Variants in DACH1 observed in about 807,000 individuals in gnomAD.
DACH1 encodes dachshund family transcription factor 1.
Under a neutral mutation model 54.2 loss-of-function variants are expected in DACH1, and 12 were observed. That is an observed-to-expected ratio of 0.22 (90% confidence interval 0.14 to 0.36). DACH1 has a LOEUF of 0.36. Ranked by LOEUF, DACH1 falls within the 10% of genes least tolerant of loss-of-function variation. The pLI is 1.00. For missense variants in DACH1, 805 were observed against 929.8 expected (o/e 0.87, Z 1.75); for synonymous variants, 386 against 366.2 (o/e 1.05, Z -0.62).
chr13:71,768,146 TTCAA>T (rs1185065123), intron 1 of DACH1, among the ~76,000 whole-genome samples: 1 of 151,976 alleles, frequency 6.6e-6, no homozygotes, highest in Non-Finnish European at 1.5e-5. Flanking sequence ...GTCCCAGCGA[TTCAA>T]TCACATTACT....
At chr13:71,752,808 A>C (rs1313736890) in intron 1 of DACH1, among the ~76,000 whole-genome samples, 4 of 152,170 alleles carry the variant, frequency 2.6e-5, no homozygotes, top group Non-Finnish European at 5.9e-5. Flanking sequence ...ACATTAACTG[A>C]TATTTTAGTG....
At chr13:71,459,173 T>C (rs183290841) in intron 10 of DACH1, among the ~76,000 whole-genome samples, 2 of 152,088 alleles carry the variant, frequency 1.3e-5, no homozygotes, top group Non-Finnish European at 2.9e-5. Flanking sequence ...AGTACTTTAA[T>C]GCAGGATCTT....
intron 1 of DACH1, among the ~76,000 whole-genome samples, chr13:71,813,256 T>C (rs1389162603): frequency 6.6e-6 from 1 of 152,222 alleles, no homozygotes; most frequent in East Asian, 1.9e-4. Context: ...TCAGACATTT[T>C]ACCCATAATC....
intron 1 of DACH1, among the ~76,000 whole-genome samples, chr13:71,823,878 C>T (rs1370974298): frequency 6.6e-6 from 1 of 151,910 alleles, no homozygotes; most frequent in East Asian, 1.9e-4. Context: ...TATTGAAATA[C>T]ACTTCCCCCA....
At chr13:71,784,553 C>T (rs2138075889) in intron 1 of DACH1, among the ~76,000 whole-genome samples, 1 of 152,180 alleles carries the variant, frequency 6.6e-6, no homozygotes, top group East Asian at 1.9e-4. Context: ...CAAACTGGGG[C>T]TTATCTATCA....
At chr13:71,628,005 A>C (rs772293024) in intron 3 of DACH1, among the ~76,000 whole-genome samples, 2 of 152,118 alleles carry the variant, frequency 1.3e-5, no homozygotes, top group Non-Finnish European at 2.9e-5. Context: ...ATAAGCAGAC[A>C]TTGTAATAAA....
intron 1 of DACH1, among the ~76,000 whole-genome samples, chr13:71,698,358 T>C (rs1460892456): frequency 6.6e-6 from 1 of 152,088 alleles, no homozygotes; most frequent in Non-Finnish European, 1.5e-5. Flanking sequence ...ATATAAAATA[T>C]CATACTTTGG....
chr13:71,638,398 G>A (rs944204563), intron 2 of DACH1, among the ~76,000 whole-genome samples: 5 of 152,144 alleles, frequency 3.3e-5, no homozygotes, highest in Admixed American at 2.6e-4. Context: ...CCATCTGATA[G>A]GCAGATGGTG....
At position 71,553,750 on chromosome 13, in the gene DACH1, T is replaced by C. The variant is rs1190080040; in HGVS notation, c.1570+3274A>G. 1.5e-4 allele frequency among the ~76,000 whole-genome samples: 23 copies of C among 150,522 alleles called. No individual in the cohort carries two copies. In the Admixed American group the frequency reaches 1.5e-3, roughly 10 times the overall value. On this transcript the variant is annotated intron_variant, in intron 6 of 10. Transcript: ENST00000613252. ...TACTTTATTTTTAAAATGGAATGAATTTACTCAATAGTTAAAACCTCTGGT... is the reference window on the plus strand; with the variant it reads ...TACTTTATTTTTAAAATGGAATGAACTTACTCAATAGTTAAAACCTCTGGT...
chr13:71,516,617 C>T, intron 6 of DACH1, among the ~76,000 whole-genome samples: 1 of 151,790 alleles, frequency 6.6e-6, no homozygotes, highest in East Asian at 1.9e-4. Context: ...GAAATTCATC[C>T]TCTGTTCCTT....
chr13:71,704,455 T>A, intron 1 of DACH1: 1 of 360,488 alleles, frequency 2.8e-6, no homozygotes, highest in Non-Finnish European at 5.4e-6. Context: ...GCGTACTGAG[T>A]ATATGAAGAA....
Position 71,519,882 on chromosome 13 carries a change from A to ATTATATATATATATATATATATAT in DACH1, c.1571-30735_1571-30734insATATATATATATATATATATATAA, listed in dbSNP as rs1555290464. Among the ~76,000 whole-genome samples, 5 of 35,550 alleles carry ATTATATATATATATATATATATAT rather than the reference A, an allele frequency of 1.4e-4. 1 individual carries two copies. Among genetic ancestry groups the ATTATATATATATATATATATATAT allele is most frequent in the Non-Finnish European group, 2.1e-4 (4 of 19,122 alleles). The allele number at this position is 35,550 out of a possible 152,430, so 23.3% of individuals were successfully genotyped here. ...TAGATGTTTGTGTCCAAACCAAAGT[A>ATTATATATATATATATATATATAT]GTATATATATATATATATATATATA... is the stretch of plus-strand genomic sequence containing the variant. On this transcript the variant is annotated intron_variant, in intron 6 of 10. Coordinates refer to ENST00000613252, the MANE Select transcript of DACH1 (RefSeq NM_080759.6).
intron 8 of DACH1, among the ~76,000 whole-genome samples, chr13:71,478,173 G>C (rs1877739764): frequency 6.6e-6 from 1 of 152,070 alleles, no homozygotes. Context: ...TATTCACTTG[G>C]AATACAGCCA....
rs367942830 is a variant in DACH1, at chr13:71,866,706, T to C, written c.64A>G (p.Thr22Ala). ...GTGGTGCCAGAGGAGGAAGCAGACG[T>C]GGAGATTGGGGGTTGAGGGGGGACC... ...QLVPPQPPIS[T>A]SASSSGTTTS... Residue 22 changes from threonine (T) to alanine (A), a missense_variant, in exon 1 of 11, where the codon ACG becomes GCG. By Grantham distance (58) the Thr-to-Ala change is moderately conservative (BLOSUM62 0). This residue lies in a region of DACH1 where 305 missense variants were observed against 308.7 expected (regional missense o/e 0.99). Transcript: ENST00000613252. 6.2e-6 allele frequency: 9 copies of C among 1,447,398 alleles called. No homozygotes were observed. The highest frequency in any genetic ancestry group is 8.2e-6 in the Non-Finnish European group (9 of 1,093,224). The allele number at this position is 1,447,398 out of a possible 1,614,324, so 89.7% of individuals were successfully genotyped here.
intron 5 of DACH1, among the ~76,000 whole-genome samples, chr13:71,557,731 C>A (rs1884339765): frequency 6.6e-6 from 1 of 151,090 alleles, no homozygotes; most frequent in Admixed American, 6.6e-5. Context: ...AAGAAGGACA[C>A]ACTATCACAG....
chr13:71,634,895 AT>A (rs565611110), intron 2 of DACH1, among the ~76,000 whole-genome samples: 34 of 152,320 alleles, frequency 2.2e-4, no homozygotes, highest in Middle Eastern at 3.4e-3. Flanking sequence ...TCTACAGGTC[AT>A]TTTAATAAGC....
At chr13:71,737,382 A>T (rs1201512920) in intron 1 of DACH1, among the ~76,000 whole-genome samples, 2 of 152,100 alleles carry the variant, frequency 1.3e-5, no homozygotes, top group East Asian at 3.9e-4. Context: ...GGGTAAGGGA[A>T]GGAGGGATTT....
At chr13:71,687,358 A>T (rs1192748042) in intron 1 of DACH1, among the ~76,000 whole-genome samples, 3 of 152,118 alleles carry the variant, frequency 2.0e-5, no homozygotes, top group Admixed American at 6.5e-5. Flanking sequence ...GTTTATGGTA[A>T]CATACAGGAA....
chr13:71,798,049 A>G (rs568422171), intron 1 of DACH1, among the ~76,000 whole-genome samples: 1 of 152,140 alleles, frequency 6.6e-6, no homozygotes, highest in South Asian at 2.1e-4. Context: ...GTTTAAGGGG[A>G]ACCAAGTAGA....
Sources: gnomAD v4.1 joint callset for allele counts (sites outside exome capture counted in the v4.1 genomes callset) on GRCh38, gnomAD v4.1.1 for gene constraint, gnomAD v4.1.1 regional missense constraint, MANE v1.5 for transcripts, NCBI Gene and HGNC (gene_info 2026-07-23, HGNC 2026-07-21) for gene names.